The following TRIQK variants were observed in gnomAD, a reference collection of about 807,000 sequenced individuals.
The protein encoded by TRIQK is triple QxxK/R motif-containing protein.
TRIQK carries 10 observed loss-of-function variants against 10.8 expected under a neutral mutation model. The observed-to-expected ratio is 0.92, with a 90% CI of 0.57 to 1.57. TRIQK has a LOEUF of 1.57. Among genes scored for constraint, TRIQK ranks in the 40% most tolerant of loss-of-function variants. The pLI is 0.00. For missense variants in TRIQK, 107 were observed against 97.7 expected, an observed-to-expected ratio of 1.09 and a Z score of -0.40; for synonymous variants, 33 against 33.7, an observed-to-expected ratio of 0.98 and a Z score of 0.07.
chr8:92,997,357 ATTAAAAG>A (rs1457655673), intron 1 of TRIQK, among the ~76,000 whole-genome samples: 5 of 152,106 alleles, frequency 3.3e-5, no homozygotes, highest in Non-Finnish European at 7.4e-5. Context: ...TTATTTGCAT[ATTAAAAG>A]AAAGGGCAAC....
At chr8:92,939,912 T>C (rs1811183797) in intron 2 of TRIQK, among the ~76,000 whole-genome samples, 1 of 152,116 alleles carries the variant, frequency 6.6e-6, no homozygotes, top group Non-Finnish European at 1.5e-5. Context: ...CCTTGCAGCC[T>C]GCACCCTTGC....
intron 2 of TRIQK, among the ~76,000 whole-genome samples, chr8:92,938,813 T>C (rs1046265921): frequency 1.2e-4 from 18 of 152,216 alleles, no homozygotes; most frequent in Admixed American, 1.2e-3. Context: ...AAGTTGTGAC[T>C]CAAAAATTAT....
rs1586385563 is a variant in TRIQK at position 92,900,953 on chromosome 8, C to T, written c.62-8879G>A. Among the ~76,000 whole-genome samples the T allele has an allele frequency of 2.6e-5, 4 of 151,936 alleles. No homozygotes were observed. In the South Asian group the frequency reaches 6.2e-4, roughly 24 times the overall value. On this transcript the variant is annotated intron_variant, in intron 3 of 4. Coordinates refer to ENST00000521988, the MANE Select transcript of TRIQK (RefSeq NM_001171797.2). ...TAGTTTTCATTATAGAAATCTTTAA[C>T]TTATTTGCTTAAGTTTATTCCTAGG...
chr8:93,008,359 A>G (rs1813295185), intron 1 of TRIQK, among the ~76,000 whole-genome samples: 1 of 152,200 alleles, frequency 6.6e-6, no homozygotes, highest in Non-Finnish European at 1.5e-5. Flanking sequence ...AGTATCCAGT[A>G]GTCTTCGATG....
At chr8:92,972,342 C>A (rs1029150902) in intron 1 of TRIQK, among the ~76,000 whole-genome samples, 2 of 151,862 alleles carry the variant, frequency 1.3e-5, no homozygotes, top group Non-Finnish European at 2.9e-5. Flanking sequence ...TCCATTTATA[C>A]TTTCCTTTTT....
rs554337480 is a variant in TRIQK, at chr8:93,010,421, A to C, written c.-181+7188T>G. Among the ~76,000 whole-genome samples, 15 of 152,230 alleles carry C rather than the reference A, an allele frequency of 9.9e-5. No homozygotes were observed. In the East Asian group the frequency reaches 2.9e-3, roughly 29 times the overall value. ...TGTCCATTAAAAAAATAAAATACTT[A>C]AGGTAGTCAAAGCATAAGAAGTATT... On this transcript the variant is annotated intron_variant, in intron 1 of 4. Transcript: ENST00000520686.
chr8:92,971,182 T>TAGC (rs1812873952), intron 1 of TRIQK, among the ~76,000 whole-genome samples: 1 of 152,042 alleles, frequency 6.6e-6, no homozygotes, highest in Non-Finnish European at 1.5e-5. Flanking sequence ...ACACCGTGCT[T>TAGC]CTTTGGTTAC....
At chr8:92,953,220 G>A (rs542822963) in intron 2 of TRIQK, among the ~76,000 whole-genome samples, 2 of 152,028 alleles carry the variant, frequency 1.3e-5, no homozygotes, top group South Asian at 4.1e-4. Flanking sequence ...CTGAAGGTAG[G>A]AACTGTTAAT....
Position 92,902,957 on chromosome 8 carries a change from C to G in TRIQK, c.62-10883G>C, listed in dbSNP as rs540175317. Among the ~76,000 whole-genome samples, 3 of 151,716 alleles carry G rather than the reference C, an allele frequency of 2.0e-5. No homozygotes were observed. The East Asian group carries it at 5.8e-4, about 29-fold the overall frequency. Reference sequence around the variant, plus strand: ...GCCCTAGAAATTATAAAATATATACCTAACTTTCCAGACTAAATCAAATCA... The same window carrying G: ...GCCCTAGAAATTATAAAATATATACGTAACTTTCCAGACTAAATCAAATCA... On this transcript the variant is annotated intron_variant, in intron 3 of 4. Transcript: ENST00000521988.
chr8:92,966,980 CAAAAAA>C (rs10655820), upstream of TRIQK, among the ~76,000 whole-genome samples: 404 of 68,864 alleles, frequency 5.9e-3, 2 homozygotes, highest in African/African-American at 0.021. Context: ...AAGTAGCATA[CAAAAAA>C]AAAAAAAAAA....
intron 1 of TRIQK, among the ~76,000 whole-genome samples, chr8:92,995,708 G>T (rs1478927602): frequency 6.6e-6 from 1 of 151,958 alleles, no homozygotes; most frequent in Admixed American, 6.6e-5. Context: ...TCAAACATAT[G>T]TTATAATTGA....
intron 1 of TRIQK, among the ~76,000 whole-genome samples, chr8:92,956,116 G>A (rs1812160795): frequency 6.6e-6 from 1 of 151,686 alleles, no homozygotes; most frequent in African/African-American, 2.4e-5. Context: ...AATGTTCATA[G>A]CAGCATTATT....
chr8:92,895,044 T>C (rs1808518043), intron 3 of TRIQK, among the ~76,000 whole-genome samples: 1 of 152,224 alleles, frequency 6.6e-6, no homozygotes, highest in African/African-American at 2.4e-5. Context: ...ATAAGGACTC[T>C]GCCCTCATGA....
intron 2 of TRIQK, among the ~76,000 whole-genome samples, chr8:92,923,510 G>C (rs1337486807): frequency 6.6e-6 from 1 of 151,774 alleles, no homozygotes; most frequent in Non-Finnish European, 1.5e-5. Context: ...CTGAAATATG[G>C]ATTAATAAGA....
chr8:92,964,937 TG>T (rs944426700), intron 1 of TRIQK: 1 of 152,214 alleles, frequency 6.6e-6, no homozygotes, highest in African/African-American at 2.4e-5. Flanking sequence ...GCTTCCTTCC[TG>T]GGGGTTTGCA....
intron 1 of TRIQK, among the ~76,000 whole-genome samples, chr8:92,986,909 G>T (rs1170974952): frequency 6.6e-6 from 1 of 152,094 alleles, no homozygotes; most frequent in Non-Finnish European, 1.5e-5. Flanking sequence ...AGAAATAAAA[G>T]AAATGAAATC....
chr8:93,011,448 A>T (rs1339001989), intron 1 of TRIQK, among the ~76,000 whole-genome samples: 1 of 152,162 alleles, frequency 6.6e-6, no homozygotes, highest in African/African-American at 2.4e-5. Context: ...ACAGATGGAA[A>T]AATTGGTGGT....
chr8:92,914,958 C>T (rs1426611345), intron 3 of TRIQK, among the ~76,000 whole-genome samples: 1 of 152,062 alleles, frequency 6.6e-6, no homozygotes, highest in Non-Finnish European at 1.5e-5. Context: ...TGGAAACAAC[C>T]TAAGTGTCCA....
At chr8:93,016,196 A>G (rs1813383301) in intron 1 of TRIQK, among the ~76,000 whole-genome samples, 1 of 152,218 alleles carries the variant, frequency 6.6e-6, no homozygotes, top group South Asian at 2.1e-4. Flanking sequence ...AATTTAGAGT[A>G]GTGTCATCAC....
Sources: gnomAD v4.1 joint callset for allele counts (sites outside exome capture counted in the v4.1 genomes callset) on GRCh38, gnomAD v4.1.1 for gene constraint, MANE v1.5 for transcripts, NCBI Gene and HGNC (gene_info 2026-07-23, HGNC 2026-07-21) for gene names.